The following KIAA0586 variants were observed in gnomAD, a reference collection of about 807,000 sequenced individuals.
KIAA0586 encodes KIAA0586, also known as protein TALPID3.
In KIAA0586, 144 loss-of-function variants were observed where a neutral mutation model predicts 169.8. That is an observed-to-expected ratio of 0.85 (90% CI 0.74 to 0.97). The LOEUF is 0.97. Among genes scored for constraint, KIAA0586 ranks in the 50% least tolerant of loss-of-function variants. KIAA0586 has a pLI of 0.00. For missense variants in KIAA0586, 1,854 were observed against 1,823.0 expected, an observed-to-expected ratio of 1.02 and a Z score of -0.31; for synonymous variants, 625 against 612.4, an observed-to-expected ratio of 1.02 and a Z score of -0.30.
intron 4 of KIAA0586, among the ~76,000 whole-genome samples, chr14:58,439,440 G>C (rs2038111943): frequency 6.6e-6 from 1 of 152,092 alleles, no homozygotes; most frequent in South Asian, 2.1e-4. Flanking sequence ...GCCCGCCTCA[G>C]CCTCCCAAAG....
At chr14:58,500,721 C>A (rs1341278714) in intron 27 of KIAA0586, among the ~76,000 whole-genome samples, 476 of 129,316 alleles carry the variant, frequency 3.7e-3, no homozygotes, top group Admixed American at 4.6e-3. Context: ...GTCTCTGCCT[C>A]AAAAAAAAAA....
At chr14:58,497,732 C>T (rs2043259646) in intron 26 of KIAA0586, among the ~76,000 whole-genome samples, 1 of 152,070 alleles carries the variant, frequency 6.6e-6, no homozygotes, top group South Asian at 2.1e-4. Flanking sequence ...TTATTCTCCT[C>T]ATCAATTGTT....
At position 58,508,618 on chromosome 14, in the gene KIAA0586, A is replaced by G. The variant is rs1017475838; in HGVS notation, c.4232A>G (p.Glu1411Gly). Reference sequence around the variant, plus strand: ...ATGAGTTTGGGAGAATTGGAGTTGGAGCCAAATTCTAAGCTGGTTCTTCCC... The same window carrying G: ...ATGAGTTTGGGAGAATTGGAGTTGGGGCCAAATTCTAAGCTGGTTCTTCCC... ...GPMSLGELEL[E>G]PNSKLVLPTT... The change falls in exon 28 of 31, where the codon GAG becomes GGG. Residue 1411 changes from glutamate to glycine, a missense_variant. Transcript: ENST00000652326. 1.3e-6 allele frequency: 2 copies of G among 1,598,316 alleles called. No individual in the cohort carries two copies. The highest frequency in any genetic ancestry group is 2.7e-5 in the African/African-American group (2 of 74,750).
intron 28 of KIAA0586, among the ~76,000 whole-genome samples, chr14:58,509,689 A>G (rs2044247945): frequency 6.6e-6 from 1 of 152,240 alleles, no homozygotes; most frequent in African/African-American, 2.4e-5. Flanking sequence ...TCTGTGACCA[A>G]GCAATGATCA....
At chr14:58,555,208 C>T (rs1048717681), downstream of KIAA0586, among the ~76,000 whole-genome samples, 2 of 145,000 alleles carry the variant, frequency 1.4e-5, no homozygotes, top group Non-Finnish European at 3.0e-5. Flanking sequence ...TCAAGCAATT[C>T]TCCTGCCTCA....
In KIAA0586 at chr14:58,458,484, A is replaced by G; in HGVS notation, c.1595A>G (p.Glu532Gly). The change falls in exon 12 of 31, where the codon GAG (glutamate) becomes GGG (glycine). Residue 532 changes from glutamate to glycine, a missense_variant. By Grantham distance (98) the Glu-to-Gly change is moderately conservative (BLOSUM62 -2). Coordinates refer to ENST00000652326, the MANE Select transcript of KIAA0586 (RefSeq NM_001329943.3). ...NALSTNREMS[E>G]KIRIRKTVDE... ...TTTCTCTTTTATAGAGAGATGTCAGAGAAAATTAGGATCAGAAAGACAGTG... is the reference window on the plus strand; with the variant it reads ...TTTCTCTTTTATAGAGAGATGTCAGGGAAAATTAGGATCAGAAAGACAGTG... The G allele has an allele frequency of 1.3e-6, 2 of 1,534,468 alleles. No homozygotes were observed. Among genetic ancestry groups the G allele is most frequent in the South Asian group, 2.4e-5 (2 of 82,570 alleles).
At chr14:58,555,106 T>C (rs1269173672), downstream of KIAA0586, among the ~76,000 whole-genome samples, 8 of 144,488 alleles carry the variant, frequency 5.5e-5, no homozygotes, top group Non-Finnish European at 9.1e-5. Context: ...TTTCTTTTTT[T>C]TTTTTTTTTT....
At chr14:58,516,115 T>A (rs1035536146) in intron 29 of KIAA0586, among the ~76,000 whole-genome samples, 5 of 152,158 alleles carry the variant, frequency 3.3e-5, no homozygotes, top group Non-Finnish European at 5.9e-5. Context: ...TAAGTGGGTT[T>A]CTAAAGGCCA....
downstream of KIAA0586, among the ~76,000 whole-genome samples, chr14:58,555,207 TCTC>T (rs2047235751): frequency 6.6e-6 from 1 of 150,484 alleles, no homozygotes; most frequent in Non-Finnish European, 1.5e-5. Context: ...CTCAAGCAAT[TCTC>T]CTGCCTCAGC....
At chr14:58,489,762 T>C (rs569484614) in intron 24 of KIAA0586, among the ~76,000 whole-genome samples, 10 of 152,268 alleles carry the variant, frequency 6.6e-5, no homozygotes, top group African/African-American at 2.4e-4. Context: ...AAAGCGAAAT[T>C]GCTGAGTCTA....
Position 58,459,915 on chromosome 14 carries a change from A to T in KIAA0586, c.1729A>T (p.Asn577Tyr), listed in dbSNP as rs890890751. ...GAATCAGAGAACCAAGAAAGGTCAGAATATGACTAAAGATATTAGAACCAA... is the reference window on the plus strand; with the variant it reads ...GAATCAGAGAACCAAGAAAGGTCAGTATATGACTAAAGATATTAGAACCAA... ...QKNQRTKKGQNMTKDIRTNTQ... is the reference protein window; with the variant it reads ...QKNQRTKKGQYMTKDIRTNTQ... Residue 577 changes from asparagine (N) to tyrosine (Y), a missense_variant, in exon 13 of 31, where the codon AAT becomes TAT. Asn to Tyr is a moderately radical substitution (Grantham distance 143). Coordinates refer to ENST00000652326, the MANE Select transcript of KIAA0586 (RefSeq NM_001329943.3). The T allele has an allele frequency of 6.5e-7, 1 of 1,533,820 alleles. No homozygotes were observed. Among genetic ancestry groups the T allele is most frequent in the African/African-American group, 1.4e-5 (1 of 73,006 alleles).
intron 29 of KIAA0586, among the ~76,000 whole-genome samples, chr14:58,532,969 A>C (rs914163702): frequency 3.3e-5 from 5 of 152,256 alleles, no homozygotes; most frequent in Admixed American, 6.5e-5. Context: ...TACACTTGTC[A>C]GCTCAGAATG....
intron 21 of KIAA0586, among the ~76,000 whole-genome samples, chr14:58,483,509 A>G (rs2042174538): frequency 1.3e-5 from 2 of 152,188 alleles, no homozygotes; most frequent in Admixed American, 6.5e-5. Context: ...TGTTAATAAT[A>G]TAGAATATAG....
chr14:58,456,625 A>G (rs1386960817), intron 9 of KIAA0586, 77 bp from the exon 10 acceptor site: 6 of 742,136 alleles, frequency 8.1e-6, no homozygotes, highest in Admixed American at 5.0e-5. Flanking sequence ...GTGTAATGAA[A>G]TGTTTACTGA....
downstream of KIAA0586, among the ~76,000 whole-genome samples, chr14:58,551,763 CAA>C (rs35183186): frequency 7.1e-6 from 1 of 140,500 alleles, no homozygotes; most frequent in Non-Finnish European, 1.6e-5. Flanking sequence ...GAGACTGTCT[CAA>C]AAAAAAAAAA....
At chr14:58,511,968 T>G (rs932564762) in intron 28 of KIAA0586, among the ~76,000 whole-genome samples, 1 of 152,188 alleles carries the variant, frequency 6.6e-6, no homozygotes, top group Non-Finnish European at 1.5e-5. Context: ...ACTGTAAATT[T>G]CAAATTTGGT....
intron 28 of KIAA0586, among the ~76,000 whole-genome samples, chr14:58,512,253 G>A (rs2044441192): frequency 6.6e-6 from 1 of 151,952 alleles, no homozygotes; most frequent in Admixed American, 6.6e-5. Context: ...ATTCTCTAAT[G>A]AAAATAGACA....
At chr14:58,452,851 T>C (rs1595156318) in intron 8 of KIAA0586, among the ~76,000 whole-genome samples, 2 of 148,760 alleles carry the variant, frequency 1.3e-5, no homozygotes, top group South Asian at 4.3e-4. Context: ...TTTTATGAGG[T>C]GTAAATATTT....
chr14:58,467,648 A>T, intron 15 of KIAA0586, 87 bp from the exon 16 acceptor site: 1 of 960,812 alleles, frequency 1.0e-6, no homozygotes, highest in Non-Finnish European at 1.6e-6. Context: ...AAATATGAGA[A>T]TATAGCCATT....
Sources: allele counts gnomAD v4.1 joint callset (sites outside exome capture counted in the v4.1 genomes callset), GRCh38; gene constraint gnomAD v4.1.1; transcripts MANE v1.5; gene names NCBI Gene and HGNC (gene_info 2026-07-23, HGNC 2026-07-21).